Variants in USP28 observed in about 807,000 individuals in gnomAD.
USP28 encodes the protein ubiquitin specific peptidase 28.
USP28 carries 113 observed loss-of-function variants against 145.0 expected under a neutral mutation model. The observed-to-expected ratio is 0.78, with a 90% CI of 0.67 to 0.91. USP28 has a LOEUF of 0.91. USP28 is among the 40% of genes least tolerant of loss of function. The pLI is 0.00. For missense variants in USP28, 1,201 were observed against 1,289.6 expected (o/e 0.93, Z 1.05); for synonymous variants, 447 against 450.9 (o/e 0.99, Z 0.11).
At chr11:113,823,747 T>C (rs111565416) in intron 11 of USP28, 47 bp from the exon 12 acceptor site, 3 of 1,454,856 alleles carry the variant, frequency 2.1e-6, no homozygotes, top group East Asian at 2.3e-5. Context: ...AAAACATTAA[T>C]GACATAAAGT....
At chr11:113,822,487 AGAGAGAGAGAG>A (rs1942770733) in intron 12 of USP28, 1 of 141,270 alleles carries the variant, frequency 7.1e-6, no homozygotes, top group Admixed American at 7.0e-5. Flanking sequence ...AGAGAGAGAG[AGAGAGAGAGAG>A]AGATGGGGTC....
At position 113,840,809 on chromosome 11, in the gene USP28, T is replaced by C. The variant is rs1317956278; in HGVS notation, c.375-52A>G. On this transcript the variant is annotated intron_variant, in intron 4 of 24. Coordinates refer to ENST00000003302, the Ensembl canonical transcript of USP28. ...AAAAAAGAAAATAGTTAAAGAATAA[T>C]ATAGCATATGGAGGATGCTATAACT... 5 of 1,576,534 alleles carry C rather than the reference T, an allele frequency of 3.2e-6. No homozygotes were observed. The South Asian group carries it at 5.9e-5, about 19-fold the overall frequency.
chr11:113,840,618 A>G (rs2136166218), exon 5 of USP28: 1 of 1,614,130 alleles, frequency 6.2e-7, no homozygotes, highest in South Asian at 1.1e-5. Flanking sequence ...GCACTAAACC[A>G]ACATGTATTG....
chr11:113,808,442 T>C lies in USP28; in HGVS notation c.2165-5A>G, dbSNP rs1375256976. On this transcript the variant is annotated splice_polypyrimidine_tract_variant and splice_region_variant and intron_variant, in intron 17 of 24. Coordinates refer to ENST00000003302, the Ensembl canonical transcript of USP28. ...GAGAAGAGGCTACTGAAGGCTCTGA[T>C]AAAGAATTGAACAAAGGTCTTAGCA... 4 of 1,613,880 alleles carry C rather than the reference T, an allele frequency of 2.5e-6. No individual in the cohort carries two copies. The highest frequency in any genetic ancestry group is 2.2e-5 in the East Asian group (1 of 44,870).
intron 13 of USP28, among the ~76,000 whole-genome samples, chr11:113,815,787 A>G (rs1337070132): frequency 2.0e-5 from 3 of 152,206 alleles, no homozygotes; most frequent in Admixed American, 6.5e-5. Context: ...GAATCAAGGA[A>G]TCAACTACAG....
At chr11:113,826,942 T>C (rs1012219714) in intron 11 of USP28, among the ~76,000 whole-genome samples, 6 of 150,596 alleles carry the variant, frequency 4.0e-5, no homozygotes, top group African/African-American at 1.5e-4. Flanking sequence ...AAACAAAAAT[T>C]CTATAATGTA....
chr11:113,849,679 C>T (rs1304880049), intron 3 of USP28, among the ~76,000 whole-genome samples: 1 of 152,126 alleles, frequency 6.6e-6, no homozygotes, highest in East Asian at 1.9e-4. Flanking sequence ...CAGAGATGGG[C>T]TGAGTCTAGA....
At chr11:113,860,559 C>T (rs1947554949) in intron 1 of USP28, among the ~76,000 whole-genome samples, 1 of 152,082 alleles carries the variant, frequency 6.6e-6, no homozygotes, top group Non-Finnish European at 1.5e-5. Flanking sequence ...TGTCTGTGAT[C>T]CCAGCACTTT....
At chr11:113,868,959 GAATA>G (rs1289029136) in intron 1 of USP28, among the ~76,000 whole-genome samples, 1 of 151,294 alleles carries the variant, frequency 6.6e-6, no homozygotes, top group Non-Finnish European at 1.5e-5. Flanking sequence ...GAAAGAAAAG[GAATA>G]AATAAAATAA....
At position 113,842,271 on chromosome 11, in the gene USP28, TA is replaced by T. The variant is rs561523485; in HGVS notation, c.269-504del. Among the ~76,000 whole-genome samples, 1,077 of 144,860 alleles carry T rather than the reference TA, an allele frequency of 7.4e-3. 8 individuals carry two copies. Among genetic ancestry groups the T allele is most frequent in the African/African-American group, 0.024 (946 of 39,676 alleles). ...TATTAGCAAATAGAACCCAATAATA[TA>T]AAAAAAAAAAATTACATATTAAGAC... On this transcript the variant is annotated intron_variant, in intron 3 of 24. Transcript: ENST00000003302.
chr11:113,855,781 C>A (rs1380099582), intron 1 of USP28, among the ~76,000 whole-genome samples: 1 of 152,102 alleles, frequency 6.6e-6, no homozygotes, highest in Non-Finnish European at 1.5e-5. Context: ...CGTGGTGGCA[C>A]GTGCCTGTAA....
chr11:113,851,620 C>T (rs1395351706), intron 3 of USP28, among the ~76,000 whole-genome samples: 9 of 152,254 alleles, frequency 5.9e-5, no homozygotes, highest in Admixed American at 2.0e-4. Flanking sequence ...CATGGTAAAA[C>T]CCCGTCTCTA....
intron 16 of USP28, among the ~76,000 whole-genome samples, chr11:113,810,943 G>A (rs1591518496): frequency 1.3e-5 from 2 of 152,326 alleles, no homozygotes; most frequent in Middle Eastern, 6.8e-3. Flanking sequence ...CCAAAGTGCT[G>A]GGATTACAGG....
At chr11:113,826,999 C>T (rs1943447567) in intron 11 of USP28, among the ~76,000 whole-genome samples, 1 of 151,442 alleles carries the variant, frequency 6.6e-6, no homozygotes, top group South Asian at 2.1e-4. Context: ...TAGTTCCTAC[C>T]CCCAAAAGGA....
intron 15 of USP28, among the ~76,000 whole-genome samples, chr11:113,812,985 CTGGAG>C (rs1218739587): frequency 4.6e-5 from 7 of 152,174 alleles, no homozygotes; most frequent in Non-Finnish European, 8.8e-5. Flanking sequence ...ACTTATCTAT[CTGGAG>C]TGAAGACCCT....
chr11:113,823,681 C>G, exon 12 of USP28: 2 of 1,611,526 alleles, frequency 1.2e-6, no homozygotes, highest in Non-Finnish European at 1.7e-6. Context: ...CGAATAAGCT[C>G]CTTGCTCCTG....
intron 3 of USP28, among the ~76,000 whole-genome samples, chr11:113,848,707 T>C (rs1016951349): frequency 2.6e-5 from 4 of 152,226 alleles, no homozygotes; most frequent in Admixed American, 2.6e-4. Flanking sequence ...GGATACTGTA[T>C]CTGCCTGGAG....
intron 1 of USP28, among the ~76,000 whole-genome samples, chr11:113,858,565 T>C (rs1004652699): frequency 6.6e-6 from 1 of 152,238 alleles, no homozygotes; most frequent in Non-Finnish European, 1.5e-5. Flanking sequence ...TGTGGCTCCC[T>C]GTCTTCACTT....
chr11:113,848,717 G>T (rs957221770), intron 3 of USP28, among the ~76,000 whole-genome samples: 1 of 152,168 alleles, frequency 6.6e-6, no homozygotes, highest in Admixed American at 6.6e-5. Flanking sequence ...TCTGCCTGGA[G>T]AATGTTCCCT....
Sources: gnomAD v4.1 joint callset for allele counts (sites outside exome capture counted in the v4.1 genomes callset) on GRCh38, gnomAD v4.1.1 for gene constraint, MANE v1.5 for transcripts, NCBI Gene and HGNC (gene_info 2026-07-23, HGNC 2026-07-21) for gene names.